ALDH7A1: variants seen among roughly 807,000 people sequenced by gnomAD.
The protein encoded by ALDH7A1 is aldehyde dehydrogenase 7 family member A1, also known as alpha-aminoadipic semialdehyde dehydrogenase.
In ALDH7A1, 63 loss-of-function variants were observed where a neutral mutation model predicts 79.9. The ratio of observed to expected loss-of-function variants is 0.79; its 90% CI spans 0.64 to 0.97. The LOEUF (loss-of-function observed/expected upper bound fraction) is 0.97. Among genes scored for constraint, ALDH7A1 ranks in the 50% least tolerant of loss-of-function variants. The pLI is 0.00. For missense variants in ALDH7A1, 627 were observed against 665.2 expected, an observed-to-expected ratio of 0.94 and a Z score of 0.63; for synonymous variants, 240 against 231.2, an observed-to-expected ratio of 1.04 and a Z score of -0.34.
chr5:126,552,369 G>C (rs1261839117), intron 13 of ALDH7A1, among the ~76,000 whole-genome samples: 1 of 152,166 alleles, frequency 6.6e-6, no homozygotes, highest in Non-Finnish European at 1.5e-5. Context: ...CAGGGATAGA[G>C]AGCCATGCCA....
At position 126,578,205 on chromosome 5, in the gene ALDH7A1, C is replaced by T. The variant is rs191814710; in HGVS notation, c.518-994G>A. Among the ~76,000 whole-genome samples the T allele has an allele frequency of 1.6e-3, 238 of 152,152 alleles. 1 individual carries two copies. The highest frequency in any genetic ancestry group is 6.8e-3 in the Middle Eastern group (2 of 294). Reference sequence around the variant, plus strand: ...TCAGGAGACTGAGGCAGGAGAATCACTTGACCCCGGGAGGCAGAGGTTGCA... The same window carrying T: ...TCAGGAGACTGAGGCAGGAGAATCATTTGACCCCGGGAGGCAGAGGTTGCA... On this transcript the variant is annotated intron_variant, in intron 5 of 17. Transcript: ENST00000409134.
At chr5:126,583,813 C>T (rs934411933) in intron 4 of ALDH7A1, 119 bp downstream of exon 4, 1 of 813,660 alleles carries the variant, frequency 1.2e-6, no homozygotes. Context: ...GCACTCCAGC[C>T]TGGGTGACAG....
At chr5:126,545,256 TTGG>T (rs1749748356) in intron 17 of ALDH7A1, among the ~76,000 whole-genome samples, 1 of 151,976 alleles carries the variant, frequency 6.6e-6, no homozygotes, top group Non-Finnish European at 1.5e-5. Context: ...GTTTTTTTTG[TTGG>T]TGGTGGTTTT....
At chr5:126,565,623 T>G (rs1412366045) in intron 9 of ALDH7A1, among the ~76,000 whole-genome samples, 3 of 152,210 alleles carry the variant, frequency 2.0e-5, no homozygotes, top group Non-Finnish European at 2.9e-5. Context: ...TAAAAACTAA[T>G]TTGTCTTTTA....
At chr5:126,582,759 C>T (rs1157039880) in intron 5 of ALDH7A1, 92 bp downstream of exon 5, 2 of 1,480,954 alleles carry the variant, frequency 1.4e-6, no homozygotes, top group Non-Finnish European at 1.9e-6. Context: ...TGAAATTTCT[C>T]TTTTGCACAG....
chr5:126,570,747 C>T lies in ALDH7A1; in HGVS notation c.773+35G>A, dbSNP rs772153747. On this transcript the variant is annotated intron_variant, in intron 8 of 17. Coordinates refer to ENST00000409134, the MANE Select transcript of ALDH7A1 (RefSeq NM_001182.5). ...GATTCTAGTTGGTCAACCTGGGGTCCTTCAACAGAGGATGCTCTCAGCCTA... is the reference window on the plus strand; with the variant it reads ...GATTCTAGTTGGTCAACCTGGGGTCTTTCAACAGAGGATGCTCTCAGCCTA... The T allele has an allele frequency of 8.7e-6, 14 of 1,605,842 alleles. No individual in the cohort carries two copies. The African/African-American group carries it at 1.7e-4, about 20-fold the overall frequency.
chr5:126,592,713 T>C lies in ALDH7A1; in HGVS notation c.263A>G (p.Tyr88Cys), dbSNP rs376294954. Residue 88 changes from tyrosine to cysteine, a missense_variant, in exon 3 of 18, where the codon TAT becomes TGT. Transcript: ENST00000409134. Reference protein sequence around the residue: ...ARVRQASVADYEETVKKAREA... With the variant: ...ARVRQASVADCEETVKKAREA... ...TCTTGCTTTCTTTACAGTTTCTTCA[T>C]AGTCTGCCACACTGGCCTAAATTAA... The C allele has an allele frequency of 5.0e-6, 8 of 1,614,010 alleles. No homozygotes were observed. The highest frequency in any genetic ancestry group is 5.9e-6 in the Non-Finnish European group (7 of 1,179,960).
In ALDH7A1 at chr5:126,577,056, AT is replaced by A. The variant is rs759331482; in HGVS notation, c.650+22del. On this transcript the variant is annotated intron_variant, in intron 6 of 17. Transcript: ENST00000409134. ...GGCTATTTTTATCACTCACTACTAA[AT>A]AGGAAAGTGAGCAGGTCTTACCAGA... The A allele has an allele frequency of 4.3e-6, 7 of 1,613,400 alleles. No homozygotes were observed. In the Middle Eastern group the frequency reaches 5.6e-4, roughly 129 times the overall value.
intron 7 of ALDH7A1, among the ~76,000 whole-genome samples, chr5:126,571,985 T>C (rs1292346035): frequency 2.6e-5 from 4 of 152,200 alleles, no homozygotes; most frequent in Non-Finnish European, 2.9e-5. Context: ...GAGTTTTTTC[T>C]CTTGTTAGAA....
chr5:126,550,359 AAC>A lies in ALDH7A1; in HGVS notation c.1318-68_1318-67del, dbSNP rs1749952354. 6.5e-6 allele frequency: 8 copies of A among 1,222,130 alleles called. No individual in the cohort carries two copies. The South Asian group carries it at 9.7e-5, about 15-fold the overall frequency. The allele number at this position is 1,222,130 out of a possible 1,614,324, so 75.7% of individuals were successfully genotyped here. ...TTCAAGTCAAAGTTCACTGACATTA[AAC>A]TCATTTCCTGAAGTGTACCAGTATA... is the stretch of plus-strand genomic sequence containing the variant. On this transcript the variant is annotated intron_variant, in intron 14 of 17. Coordinates refer to ENST00000409134, the MANE Select transcript of ALDH7A1 (RefSeq NM_001182.5).
Position 126,544,900 on chromosome 5 carries a change from C to T in ALDH7A1, c.*65G>A, listed in dbSNP as rs886059848. 119 of 1,397,184 alleles carry T rather than the reference C, an allele frequency of 8.5e-5. No homozygotes were observed. Among genetic ancestry groups the T allele is most frequent in the Middle Eastern group, 2.3e-4 (1 of 4,424 alleles). 86.5% of individuals were successfully genotyped at this position (1,397,184 alleles called of 1,614,324 possible). On this transcript the variant is annotated 3_prime_UTR_variant, in exon 18 of 18. Coordinates refer to ENST00000409134, the MANE Select transcript of ALDH7A1 (RefSeq NM_001182.5). The stretch of plus-strand genomic sequence containing the variant: ...TTTATTCAGGGAAAACTTTAATTTT[C>T]TTTGTCTTCTCCAAAAACAGCTGCT...
Position 126,550,289 on chromosome 5 carries a change from T to A in ALDH7A1, c.1322A>T (p.Glu441Val). 6.2e-7 allele frequency: 1 copy of A among 1,610,058 alleles called. No homozygotes were observed. The highest frequency in any genetic ancestry group is 8.5e-7 in the Non-Finnish European group (1 of 1,176,842). The change falls in exon 15 of 18, where the codon GAA becomes GTA. Residue 441 changes from glutamate (E) to valine (V), a missense_variant. Glu to Val is a moderately radical substitution (Grantham distance 121). Coordinates refer to ENST00000409134, the MANE Select transcript of ALDH7A1 (RefSeq NM_001182.5). The part of the protein sequence containing the change: ...PILYVFKFKN[E>V]EEVFAWNNEV... Reference sequence around the variant, plus strand: ...ATTATTCCATGCAAAGACCTCTTCTTCATTCTAAAAGGAGAGACATTGGAA... The same window carrying A: ...ATTATTCCATGCAAAGACCTCTTCTACATTCTAAAAGGAGAGACATTGGAA...
intron 6 of ALDH7A1, among the ~76,000 whole-genome samples, chr5:126,575,679 G>A (rs918133817): frequency 4.6e-5 from 7 of 152,084 alleles, no homozygotes; most frequent in African/African-American, 1.7e-4. Flanking sequence ...CATAAAAATG[G>A]CACCAAGCAA....
intron 8 of ALDH7A1, 107 bp from the exon 9 acceptor site, chr5:126,568,463 G>T: frequency 2.1e-6 from 2 of 965,352 alleles, no homozygotes; most frequent in Non-Finnish European, 3.3e-6. Flanking sequence ...GTCCCTTGAA[G>T]CTACAAGAAA....
At chr5:126,557,706 C>T (rs572900814) in intron 11 of ALDH7A1, among the ~76,000 whole-genome samples, 4 of 152,064 alleles carry the variant, frequency 2.6e-5, no homozygotes, top group Admixed American at 1.3e-4. Context: ...TGTTCACACT[C>T]AATATGAATG....
chr5:126,565,677 C>A (rs931163327), intron 9 of ALDH7A1, among the ~76,000 whole-genome samples: 8 of 152,178 alleles, frequency 5.3e-5, no homozygotes, highest in African/African-American at 1.9e-4. Flanking sequence ...AAGAAACCAT[C>A]GCCTAATCCA....
In ALDH7A1 at chr5:126,593,394, G is replaced by T. The variant is rs58528748; in HGVS notation, c.203C>A (p.Thr68Asn). 6.1e-5 allele frequency: 98 copies of T among 1,613,406 alleles called. No individual in the cohort carries two copies. The African/African-American group carries it at 1.1e-3, about 18-fold the overall frequency. ...SWGGRGEVIT[T>N]YCPANNEPIA... ...TGGCTCGTTGTTAGCAGGGCAATAG[G>T]TCGTAATAACCTTAAAACAAAAGGA... Residue 68 changes from threonine (T) to asparagine (N), a missense_variant, in exon 2 of 18, where the codon ACC (threonine) becomes AAC (asparagine). Transcript: ENST00000409134.
In ALDH7A1 at chr5:126,564,627, T is replaced by A. The variant is rs1750507904; in HGVS notation, c.872-3503A>T. The A allele has an allele frequency of 5.1e-6, 6 of 1,182,312 alleles. No homozygotes were observed. The East Asian group carries it at 1.9e-4, about 38-fold the overall frequency. The allele number at this position is 1,182,312 out of a possible 1,614,324, so 73.2% of individuals were successfully genotyped here. ...GTAAGCATCAAGTGAATATTAATTA[T>A]GAAGACATGGCTGTTACTACCAAAA... On this transcript the variant is annotated intron_variant, in intron 9 of 17. Transcript: ENST00000409134.
chr5:126,559,215 A>G (rs1407640490), intron 11 of ALDH7A1, 25 bp downstream of exon 11: 1 of 1,595,340 alleles, frequency 6.3e-7, no homozygotes, highest in Admixed American at 1.7e-5. Context: ...GAGCAAGACA[A>G]TCGGGCCTAT....
Sources: allele counts gnomAD v4.1 joint callset (sites outside exome capture counted in the v4.1 genomes callset), GRCh38; gene constraint gnomAD v4.1.1; transcripts MANE v1.5; gene names NCBI Gene and HGNC (gene_info 2026-07-23, HGNC 2026-07-21).